Variants in SP1 observed in about 807,000 individuals in gnomAD.
The protein encoded by SP1 is transcription factor Sp1.
In SP1, 6 loss-of-function variants were observed where a neutral mutation model predicts 66.3. That is an observed-to-expected ratio of 0.09 (90% confidence interval 0.05 to 0.18). The LOEUF is 0.18. SP1 is among the 10% of genes least tolerant of loss of function. The pLI is 1.00. For synonymous variants in SP1, 417 were observed against 360.8 expected (o/e 1.16, Z -1.77); for missense variants, 848 against 964.5 (o/e 0.88, Z 1.60).
intron 3 of SP1, among the ~76,000 whole-genome samples, chr12:53,394,209 C>T (rs941948000): frequency 1.3e-4 from 19 of 146,910 alleles, no homozygotes; most frequent in African/African-American, 4.8e-4. Context: ...GACCGAAACT[C>T]CGTCTCGAGA....
intron 3 of SP1, among the ~76,000 whole-genome samples, chr12:53,384,138 T>G (rs1259971358): frequency 1.3e-5 from 2 of 148,846 alleles, no homozygotes; most frequent in Non-Finnish European, 3.0e-5. Flanking sequence ...CCCGGGTAAT[T>G]TTTTGTATTT....
rs567949412 is a variant in SP1, at chr12:53,399,071, G to A, written c.1676-7514G>A. On this transcript the variant is annotated intron_variant, in intron 3 of 5. Coordinates refer to ENST00000327443, the MANE Select transcript of SP1 (RefSeq NM_138473.3). ...TGTCATGAACATCTTTTCTGTGTAAGTAAATGTAAGTCTGCATCATTTAAA... is the reference window on the plus strand; with the variant it reads ...TGTCATGAACATCTTTTCTGTGTAAATAAATGTAAGTCTGCATCATTTAAA... Among the ~76,000 whole-genome samples, 7 of 152,230 alleles carry A rather than the reference G, an allele frequency of 4.6e-5. No individual in the cohort carries two copies. In the South Asian group the frequency reaches 1.5e-3, roughly 32 times the overall value.
At chr12:53,407,661 G>C (rs1444815084) in intron 4 of SP1, among the ~76,000 whole-genome samples, 1 of 140,572 alleles carries the variant, frequency 7.1e-6, no homozygotes, top group Non-Finnish European at 1.5e-5. Flanking sequence ...TTTTGAGATG[G>C]AGTCTTGCTC....
chr12:53,410,895 G>A, intron 5 of SP1, 32 bp from the exon 6 acceptor site: 2 of 1,548,232 alleles, frequency 1.3e-6, no homozygotes, highest in Non-Finnish European at 1.8e-6. Context: ...TTCCTAACAT[G>A]TCAGCTTCTT....
intron 2 of SP1, 23 bp downstream of exon 2, chr12:53,381,836 G>A (rs1246382714): frequency 2.5e-6 from 4 of 1,601,482 alleles, no homozygotes; most frequent in Non-Finnish European, 3.4e-6. Context: ...CATAGAGTGG[G>A]GAAGGTGTTG....
At chr12:53,387,676 A>C (rs964449608) in intron 3 of SP1, among the ~76,000 whole-genome samples, 1 of 152,160 alleles carries the variant, frequency 6.6e-6, no homozygotes, top group Admixed American at 6.6e-5. Context: ...GGACTTGAAC[A>C]ATTCTTTAGA....
intron 3 of SP1, among the ~76,000 whole-genome samples, chr12:53,389,484 T>C (rs1378899071): frequency 6.6e-6 from 1 of 151,964 alleles, no homozygotes; most frequent in African/African-American, 2.4e-5. Context: ...GCTGGGATTA[T>C]AGGCATGAGC....
chr12:53,391,763 C>T lies in SP1; in HGVS notation c.1675+8141C>T, dbSNP rs1938359126. ...AACATTACCCCCGACCCTCCCCTATCTAGTAGTCCCCGGTGTCTATTGTTG... is the reference window on the plus strand; with the variant it reads ...AACATTACCCCCGACCCTCCCCTATTTAGTAGTCCCCGGTGTCTATTGTTG... On this transcript the variant is annotated intron_variant, in intron 3 of 5. Transcript: ENST00000327443. Among the ~76,000 whole-genome samples, 3 of 151,280 alleles carry T rather than the reference C, an allele frequency of 2.0e-5. No individual in the cohort carries two copies. In the South Asian group the frequency reaches 6.3e-4, roughly 32 times the overall value.
chr12:53,405,220 TCTC>T (rs1336093391), intron 3 of SP1, among the ~76,000 whole-genome samples: 1 of 152,002 alleles, frequency 6.6e-6, no homozygotes. Flanking sequence ...CTCAAGCAGT[TCTC>T]CTGCCTCAGC....
chr12:53,406,468 A>G (rs1422674244), intron 3 of SP1, 117 bp from the exon 4 acceptor site: 3 of 817,498 alleles, frequency 3.7e-6, no homozygotes, highest in Admixed American at 4.9e-5. Flanking sequence ...AACTTGTGAT[A>G]CTGTGAATGT....
intron 3 of SP1, among the ~76,000 whole-genome samples, chr12:53,395,841 G>A (rs1403680897): frequency 1.3e-5 from 2 of 151,974 alleles, no homozygotes; most frequent in Admixed American, 1.3e-4. Flanking sequence ...ACTGGGCGTA[G>A]CTGGGCATGG....
chr12:53,389,785 T>C (rs921460084), intron 3 of SP1, among the ~76,000 whole-genome samples: 1 of 151,960 alleles, frequency 6.6e-6, no homozygotes, highest in African/African-American at 2.4e-5. Flanking sequence ...TGACGGGGAG[T>C]TGGCTTTTAA....
At position 53,411,430 on chromosome 12, in the gene SP1, T is replaced by C; in HGVS notation, c.*190T>C. 7.8e-6 allele frequency: 4 copies of C among 510,496 alleles called. 1 individual carries two copies. The allele number at this position is 510,496 out of a possible 1,614,324, so 31.6% of individuals were successfully genotyped here. On this transcript the variant is annotated 3_prime_UTR_variant, in exon 6 of 6. Transcript: ENST00000327443. Reference sequence around the variant, plus strand: ...ACCCATCTGTATCATCAGTGCCTCTTTGAAGGTGGGAAACATTAGTGAAAA... The same window carrying C: ...ACCCATCTGTATCATCAGTGCCTCTCTGAAGGTGGGAAACATTAGTGAAAA...
rs1938922092 is a variant in SP1, at chr12:53,412,833, T to C, written c.*1593T>C. 1 of 152,556 alleles carries C rather than the reference T, an allele frequency of 6.6e-6. No individual in the cohort carries two copies. Among genetic ancestry groups the C allele is most frequent in the Non-Finnish European group, 1.5e-5 (1 of 68,028 alleles). The allele number at this position is 152,556 out of a possible 1,614,324, so 9.5% of individuals were successfully genotyped here. A position where few individuals can be genotyped will look rare whatever the true frequency, so the allele number is the denominator to read the frequency against. ...CACTGAGATTTAAATGCAACCAGAA[T>C]TGTCCTCAAGGCCCAGCCATAAAAG... On this transcript the variant is annotated 3_prime_UTR_variant, in exon 6 of 6. Coordinates refer to ENST00000327443, the MANE Select transcript of SP1 (RefSeq NM_138473.3).
In SP1 at chr12:53,383,531, C is replaced by T; in HGVS notation, c.1584C>T (p.Gly528=). Residue 528 remains glycine, a synonymous_variant, in exon 3 of 6, where the codon GGC becomes GGT. Transcript: ENST00000327443. ...CTGCTCAACTCTCCTCCATGCCAGG[C>T]CTCCAGACCATTAACCTCAGTGCAT... ...VNAAQLSSMP[G]LQTINLSALG... The T allele has an allele frequency of 6.2e-7, 1 of 1,614,204 alleles. No homozygotes were observed.
chr12:53,385,736 A>G (rs1027135414), intron 3 of SP1, among the ~76,000 whole-genome samples: 1 of 152,068 alleles, frequency 6.6e-6, no homozygotes, highest in Non-Finnish European at 1.5e-5. Context: ...AATATGGTGA[A>G]ACCCCGTCTC....
chr12:53,390,953 A>G (rs1397745950), intron 3 of SP1, among the ~76,000 whole-genome samples: 1 of 152,198 alleles, frequency 6.6e-6, no homozygotes, highest in African/African-American at 2.4e-5. Flanking sequence ...ACGTGCAACT[A>G]ATAATTCTGC....
At chr12:53,405,735 A>G (rs1289563879) in intron 3 of SP1, among the ~76,000 whole-genome samples, 2 of 150,948 alleles carry the variant, frequency 1.3e-5, no homozygotes, top group Non-Finnish European at 1.5e-5. Flanking sequence ...AGGAAGAGAG[A>G]GAGGGAGGGT....
chr12:53,380,183 C>T lies in SP1; in HGVS notation c.-109C>T, dbSNP rs919324670. The T allele has an allele frequency of 6.6e-6, 5 of 760,574 alleles. No individual in the cohort carries two copies. Among genetic ancestry groups the T allele is most frequent in the East Asian group, 2.7e-5 (1 of 37,050 alleles). 47.1% of individuals were successfully genotyped at this position (760,574 alleles called of 1,614,324 possible). ...CGCTGCTCCCTCCTCCTTACCCCCCCCTCCCTGTCCGGTCCGGGTTCGCTT... is the reference window on the plus strand; with the variant it reads ...CGCTGCTCCCTCCTCCTTACCCCCCTCTCCCTGTCCGGTCCGGGTTCGCTT... On this transcript the variant is annotated 5_prime_UTR_variant, in exon 1 of 6. Coordinates refer to ENST00000327443, the MANE Select transcript of SP1 (RefSeq NM_138473.3).
Sources: gnomAD v4.1 joint callset for allele counts (sites outside exome capture counted in the v4.1 genomes callset) on GRCh38, gnomAD v4.1.1 for gene constraint, MANE v1.5 for transcripts, NCBI Gene and HGNC (gene_info 2026-07-23, HGNC 2026-07-21) for gene names.